The following FREM1 variants were observed in gnomAD, a reference collection of about 807,000 sequenced individuals.
FREM1 encodes FRAS1-related extracellular matrix protein 1.
Under a neutral mutation model 210.1 loss-of-function variants are expected in FREM1, and 220 were observed. The ratio of observed to expected loss-of-function variants is 1.05; its 90% CI spans 0.94 to 1.17. The LOEUF (loss-of-function observed/expected upper bound fraction) is 1.17, where lower values mean the gene tolerates loss of function less well. Among genes scored for constraint, FREM1 ranks in the 50% most tolerant of loss-of-function variants. FREM1 has a pLI of 0.00. For synonymous variants in FREM1, 1,189 were observed against 980.2 expected (o/e 1.21, Z -3.98); for missense variants, 3,454 against 2,675.5 (o/e 1.29, Z -6.42).
At position 14,863,169 on chromosome 9, in the gene FREM1, A is replaced by G. The variant is rs532024024; in HGVS notation, c.329+640T>C. On this transcript the variant is annotated intron_variant, in intron 3 of 36. Transcript: ENST00000380880. Reference sequence around the variant, plus strand: ...ATCCTGGCTAACACGGTGAAACCCTACCTCTACTAAAAATACAACAAATTA... The same window carrying G: ...ATCCTGGCTAACACGGTGAAACCCTGCCTCTACTAAAAATACAACAAATTA... Among the ~76,000 whole-genome samples the G allele has an allele frequency of 4.0e-5, 6 of 151,806 alleles. No individual in the cohort carries two copies. The East Asian group carries it at 1.2e-3, about 30-fold the overall frequency.
chr9:14,846,240 T>A, intron 7 of FREM1, 149 bp from the exon 8 acceptor site: 3 of 583,704 alleles, frequency 5.1e-6, no homozygotes, highest in African/African-American at 1.9e-5. Context: ...ACCATCATCC[T>A]CAGCAAACTA....
intron 32 of FREM1, 90 bp downstream of exon 32, chr9:14,747,591 G>A (rs1842700064): frequency 2.0e-6 from 2 of 1,019,350 alleles, no homozygotes; most frequent in African/African-American, 1.7e-5. Flanking sequence ...TAAGAGAAAT[G>A]TATAAATATA....
intron 23 of FREM1, among the ~76,000 whole-genome samples, chr9:14,785,139 G>A (rs1188404380): frequency 6.6e-6 from 1 of 152,162 alleles, no homozygotes; most frequent in South Asian, 2.1e-4. Flanking sequence ...CACCCAAATG[G>A]TCATTGCAGT....
At chr9:14,783,516 G>A (rs1849948095) in intron 24 of FREM1, among the ~76,000 whole-genome samples, 1 of 152,134 alleles carries the variant, frequency 6.6e-6, no homozygotes, top group Admixed American at 6.5e-5. Flanking sequence ...CTCAAAACTG[G>A]ATTGTATACA....
chr9:14,763,083 T>A (rs756424521), intron 27 of FREM1, among the ~76,000 whole-genome samples: 1 of 152,250 alleles, frequency 6.6e-6, no homozygotes, highest in Non-Finnish European at 1.5e-5. Flanking sequence ...CAGAACTGTA[T>A]GCCATGGACA....
chr9:14,824,208 G>A, intron 11 of FREM1, 93 bp from the exon 12 acceptor site: 1 of 754,942 alleles, frequency 1.3e-6, no homozygotes, highest in South Asian at 1.7e-5. Flanking sequence ...AGACTTCATT[G>A]TGAGAAGAAA....
At chr9:14,883,547 C>T (rs1462084241) in intron 1 of FREM1, among the ~76,000 whole-genome samples, 5 of 151,856 alleles carry the variant, frequency 3.3e-5, no homozygotes, top group African/African-American at 4.8e-5. Context: ...ACGAGCAGAC[C>T]GAGAAAGGGC....
intron 10 of FREM1, among the ~76,000 whole-genome samples, chr9:14,831,347 T>G (rs1422614761): frequency 6.6e-6 from 1 of 152,240 alleles, no homozygotes; most frequent in Non-Finnish European, 1.5e-5. Context: ...CGAGGTTACT[T>G]GATACCACTT....
In FREM1 at chr9:14,848,788, A is replaced by T; in HGVS notation, c.1153-15T>A. 1 of 1,499,666 alleles carries T rather than the reference A, an allele frequency of 6.7e-7. No homozygotes were observed. Among genetic ancestry groups the T allele is most frequent in the East Asian group, 2.3e-5 (1 of 44,316 alleles). The allele number at this position is 1,499,666 out of a possible 1,614,324, so 92.9% of individuals were successfully genotyped here. A position where few individuals can be genotyped will look rare whatever the true frequency, so the allele number is the denominator to read the frequency against. The stretch of plus-strand genomic sequence containing the variant: ...TCCAATTCTACCTGTAAACAAACAG[A>T]GGCAAAGGAGCCACACACTGAAGCG... On this transcript the variant is annotated splice_polypyrimidine_tract_variant and intron_variant, in intron 6 of 36. Coordinates refer to ENST00000380880, the MANE Select transcript of FREM1 (RefSeq NM_001379081.2).
At chr9:14,860,588 T>C (rs1356782864) in intron 3 of FREM1, among the ~76,000 whole-genome samples, 2 of 138,200 alleles carry the variant, frequency 1.4e-5, no homozygotes, top group African/African-American at 5.4e-5. Context: ...TATACACATA[T>C]ATATACATAT....
intron 5 of FREM1, among the ~76,000 whole-genome samples, chr9:14,855,533 G>A (rs1292206057): frequency 6.6e-6 from 1 of 152,082 alleles, no homozygotes; most frequent in East Asian, 1.9e-4. Flanking sequence ...TTCACATATA[G>A]TATAAATGCG....
At chr9:14,823,384 T>A (rs1243439416) in intron 12 of FREM1, 57 bp from the exon 13 acceptor site, 1 of 1,492,274 alleles carries the variant, frequency 6.7e-7, no homozygotes, top group African/African-American at 1.4e-5. Flanking sequence ...TCAAAAGCTT[T>A]TAGAGGTCCA....
At chr9:14,790,520 T>G (rs997714364) in intron 22 of FREM1, 6 of 152,160 alleles carry the variant, frequency 3.9e-5, no homozygotes, top group African/African-American at 1.4e-4. Flanking sequence ...TCTAATCTTG[T>G]CTAAGGAAGT....
At chr9:14,880,655 T>C (rs1217713271) in intron 1 of FREM1, among the ~76,000 whole-genome samples, 1 of 151,312 alleles carries the variant, frequency 6.6e-6, no homozygotes, top group East Asian at 1.9e-4. Flanking sequence ...CATGTAAAAT[T>C]GCATGTGTGT....
rs1290418052 is a variant in FREM1 at position 14,749,330 on chromosome 9, C to T, written c.5558-691G>A. ...GGAAAGGTAGTGGGGAGAGATGTTGCAGAAACAAGGATATTATAAAGAAAA... is the reference window on the plus strand; with the variant it reads ...GGAAAGGTAGTGGGGAGAGATGTTGTAGAAACAAGGATATTATAAAGAAAA... On this transcript the variant is annotated intron_variant, in intron 30 of 36. Coordinates refer to ENST00000380880, the MANE Select transcript of FREM1 (RefSeq NM_001379081.2). Among the ~76,000 whole-genome samples the T allele has an allele frequency of 5.3e-5, 8 of 151,620 alleles. No individual in the cohort carries two copies. In the South Asian group the frequency reaches 1.7e-3, roughly 32 times the overall value.
At chr9:14,839,953 G>A (rs1447490631) in intron 10 of FREM1, among the ~76,000 whole-genome samples, 1 of 152,162 alleles carries the variant, frequency 6.6e-6, no homozygotes, top group Middle Eastern at 3.2e-3. Context: ...GATAAAAAGA[G>A]GGAGGTGTTA....
At chr9:14,785,284 A>G (rs182191104) in intron 23 of FREM1, among the ~76,000 whole-genome samples, 1 of 152,246 alleles carries the variant, frequency 6.6e-6, no homozygotes, top group African/African-American at 2.4e-5. Flanking sequence ...TACATGGAAC[A>G]ACACAGATGT....
intron 28 of FREM1, among the ~76,000 whole-genome samples, chr9:14,757,194 G>A (rs1844553935): frequency 6.6e-6 from 1 of 152,182 alleles, no homozygotes; most frequent in African/African-American, 2.4e-5. Flanking sequence ...AAAAACCAAA[G>A]AGGCGATTTT....
intron 3 of FREM1, among the ~76,000 whole-genome samples, chr9:14,861,330 CATATAT>C (rs748716723): frequency 4.0e-5 from 5 of 124,410 alleles, no homozygotes; most frequent in African/African-American, 1.1e-4. Flanking sequence ...CACATATATA[CATATAT>C]ACACATATAT....
Sources: allele counts gnomAD v4.1 joint callset (sites outside exome capture counted in the v4.1 genomes callset), GRCh38; gene constraint gnomAD v4.1.1; transcripts MANE v1.5; gene names NCBI Gene and HGNC (gene_info 2026-07-23, HGNC 2026-07-21).